SHTN1: variants seen among roughly 807,000 people sequenced by gnomAD.
SHTN1 encodes the protein shootin 1, also known as shootin-1.
Under a neutral mutation model 83.1 loss-of-function variants are expected in SHTN1, and 42 were observed. That is an observed-to-expected ratio of 0.51 (90% CI 0.39 to 0.65). The LOEUF is 0.65. Ranked by LOEUF, SHTN1 falls within the 30% of genes least tolerant of loss-of-function variation. The pLI, the probability that SHTN1 is intolerant of heterozygous loss-of-function variation, is 0.00. For missense variants in SHTN1, 622 were observed against 737.8 expected (o/e 0.84, Z 1.82); for synonymous variants, 224 against 247.7 (o/e 0.90, Z 0.90).
intron 2 of SHTN1, among the ~76,000 whole-genome samples, chr10:117,046,411 A>G (rs762730217): frequency 6.6e-6 from 1 of 152,228 alleles, no homozygotes; most frequent in Non-Finnish European, 1.5e-5. Flanking sequence ...TGGAAGCATC[A>G]TACATTGCCA....
chr10:117,097,084 A>G (rs1038849687), intron 1 of SHTN1, among the ~76,000 whole-genome samples: 2 of 152,002 alleles, frequency 1.3e-5, no homozygotes, highest in African/African-American at 4.8e-5. Flanking sequence ...GAAGCCCTAG[A>G]GTAGGGGCAA....
rs992690219 is a variant in SHTN1, at chr10:116,944,007, A to G, written c.711+917T>C. Among the ~76,000 whole-genome samples, 33 of 152,034 alleles carry G rather than the reference A, an allele frequency of 2.2e-4. 1 individual carries two copies. The highest frequency in any genetic ancestry group is 2.1e-3 in the South Asian group (10 of 4,822). ...AAGAGATTCAAAGCTGATCTCTAAC[A>G]TAAGAGGAAGATCAGTAGGCTGGTG... On this transcript the variant is annotated intron_variant, in intron 8 of 16. Coordinates refer to ENST00000355371, the MANE Select transcript of SHTN1 (RefSeq NM_001127211.3).
At chr10:116,898,537 A>G (rs1454274881) in intron 16 of SHTN1, among the ~76,000 whole-genome samples, 2 of 152,202 alleles carry the variant, frequency 1.3e-5, no homozygotes, top group Non-Finnish European at 2.9e-5. Context: ...CATGATGAGC[A>G]TAATTCTGAT....
At chr10:116,953,720 T>G (rs1303084601) in intron 5 of SHTN1, among the ~76,000 whole-genome samples, 1 of 144,186 alleles carries the variant, frequency 6.9e-6, no homozygotes, top group Non-Finnish European at 1.5e-5. Flanking sequence ...CTCTGCCTCC[T>G]GGGTTCAAGT....
chr10:117,029,710 G>A (rs942537007), intron 2 of SHTN1, among the ~76,000 whole-genome samples: 2 of 152,104 alleles, frequency 1.3e-5, no homozygotes, highest in African/African-American at 2.4e-5. Context: ...GCCTTCTGAA[G>A]TGCTGGCTCC....
rs773889109 is a variant in SHTN1 at position 117,018,511 on chromosome 10, A to ATT, written c.-123+29933_-123+29934insAA. Among the ~76,000 whole-genome samples, 10 of 137,112 alleles carry ATT rather than the reference A, an allele frequency of 7.3e-5. No homozygotes were observed. In the South Asian group the frequency reaches 1.2e-3, roughly 16 times the overall value. The allele number at this position is 137,112 out of a possible 152,430, so 90.0% of individuals were successfully genotyped here. A position where few individuals can be genotyped will look rare whatever the true frequency, so the allele number is the denominator to read the frequency against. ...AGGGTGTATGTGTATTTTTTTTAAA[A>ATT]AAAAAAAAAAAAGGAAAATATTTTT... On this transcript the variant is annotated intron_variant, in intron 2 of 17. Transcript: ENST00000392901.
At chr10:117,070,688 T>C (rs1282411915) in intron 1 of SHTN1, among the ~76,000 whole-genome samples, 1 of 151,150 alleles carries the variant, frequency 6.6e-6, no homozygotes, top group African/African-American at 2.4e-5. Flanking sequence ...TTGCATCCAC[T>C]CAGGGTGCCA....
At chr10:116,940,356 A>T in intron 9 of SHTN1, 110 bp downstream of exon 9, 4 of 1,134,240 alleles carry the variant, frequency 3.5e-6, no homozygotes, top group Non-Finnish European at 4.9e-6. Flanking sequence ...AAGGCAAAAT[A>T]TGAAACAGTA....
At chr10:117,065,704 CGA>C (rs61337046) in intron 1 of SHTN1, among the ~76,000 whole-genome samples, 57,306 of 79,512 alleles carry the variant, frequency 0.72, 23,529 homozygotes, top group Middle Eastern at 0.91. Context: ...GGCAACAAAG[CGA>C]GAGAGAGAGA....
chr10:116,969,629 G>C lies in SHTN1; in HGVS notation c.112-917C>G, dbSNP rs1850532852. ...ACCGATTTTTAATTTAAAAAGGTGGGAGAACTCACTGAAAAGACTTTGGGA... is the reference window on the plus strand; with the variant it reads ...ACCGATTTTTAATTTAAAAAGGTGGCAGAACTCACTGAAAAGACTTTGGGA... On this transcript the variant is annotated intron_variant, in intron 2 of 16. Coordinates refer to ENST00000355371, the MANE Select transcript of SHTN1 (RefSeq NM_001127211.3). 2.6e-5 allele frequency among the ~76,000 whole-genome samples: 4 copies of C among 152,154 alleles called. No homozygotes were observed. The South Asian group carries it at 8.3e-4, about 32-fold the overall frequency.
chr10:116,974,024 G>A (rs1474894211), intron 2 of SHTN1: 3 of 1,065,304 alleles, frequency 2.8e-6, no homozygotes, highest in African/African-American at 1.7e-5. Flanking sequence ...CACTAGGATG[G>A]AATTCCTTTC....
intron 1 of SHTN1, among the ~76,000 whole-genome samples, chr10:117,097,906 T>A (rs552256823): frequency 1.3e-5 from 2 of 151,996 alleles, no homozygotes; most frequent in South Asian, 2.1e-4. Context: ...TTTTTTTCCA[T>A]CATCCCAACA....
In SHTN1 at chr10:116,881,805, A is replaced by C; in HGVS notation, c.*4539T>G. The stretch of plus-strand genomic sequence containing the variant: ...TTGTGGTTTTTATTCTTCTAATTCC[A>C]CTGTTTGGTAAATTACATATATGAT... On this transcript the variant is annotated 3_prime_UTR_variant, in exon 17 of 17. Coordinates refer to ENST00000355371, the MANE Select transcript of SHTN1 (RefSeq NM_001127211.3). 1 of 639,938 alleles carries C rather than the reference A, an allele frequency of 1.6e-6. No homozygotes were observed. Among genetic ancestry groups the C allele is most frequent in the Non-Finnish European group, 2.3e-6 (1 of 425,914 alleles). 39.6% of individuals were successfully genotyped at this position (639,938 alleles called of 1,614,324 possible).
intron 16 of SHTN1, among the ~76,000 whole-genome samples, chr10:116,891,689 T>C (rs545545800): frequency 6.6e-6 from 1 of 152,326 alleles, no homozygotes; most frequent in South Asian, 2.1e-4. Context: ...TGATTGTTTC[T>C]TTTGGAAACC....
At chr10:116,892,379 T>A (rs1036572380) in intron 16 of SHTN1, among the ~76,000 whole-genome samples, 2 of 152,210 alleles carry the variant, frequency 1.3e-5, no homozygotes, top group Non-Finnish European at 2.9e-5. Flanking sequence ...GATTCTGAAA[T>A]GTGGGTGATC....
chr10:117,048,196 A>G (rs1206107060), intron 2 of SHTN1, among the ~76,000 whole-genome samples: 1 of 152,214 alleles, frequency 6.6e-6, no homozygotes, highest in Non-Finnish European at 1.5e-5. Context: ...TATGAATAAG[A>G]TTAAGTGGCT....
chr10:116,906,800 C>A, intron 14 of SHTN1, 53 bp from the exon 15 acceptor site: 1 of 1,383,008 alleles, frequency 7.2e-7, no homozygotes, highest in Non-Finnish European at 9.7e-7. Context: ...ATACAATATA[C>A]AAAAGAATAT....
intron 3 of SHTN1, among the ~76,000 whole-genome samples, chr10:116,961,865 C>T (rs970076982): frequency 6.6e-6 from 1 of 152,114 alleles, no homozygotes; most frequent in Admixed American, 6.6e-5. Context: ...TGGAGACAGA[C>T]GGCATAATGG....
At chr10:117,102,074 A>C (rs545671516) in intron 1 of SHTN1, among the ~76,000 whole-genome samples, 9 of 152,182 alleles carry the variant, frequency 5.9e-5, no homozygotes, top group East Asian at 1.9e-4. Flanking sequence ...TTAAAAAAAA[A>C]AAAAAAATCA....
Sources: allele counts gnomAD v4.1 joint callset (sites outside exome capture counted in the v4.1 genomes callset), GRCh38; gene constraint gnomAD v4.1.1; transcripts MANE v1.5; gene names NCBI Gene and HGNC (gene_info 2026-07-23, HGNC 2026-07-21).